The following SGCD variants were observed in gnomAD, a reference collection of about 807,000 sequenced individuals.
The protein encoded by SGCD is delta-sarcoglycan.
In SGCD, 18 loss-of-function variants were observed where a neutral mutation model predicts 36.6. The ratio of observed to expected loss-of-function variants is 0.49; its 90% CI spans 0.34 to 0.73. SGCD has a LOEUF of 0.73. Among genes scored for constraint, SGCD ranks in the 30% least tolerant of loss-of-function variants. The pLI is 0.01. For missense variants in SGCD, 387 were observed against 346.7 expected (o/e 1.12, Z -0.92); for synonymous variants, 133 against 130.6 (o/e 1.02, Z -0.12).
At chr5:156,586,344 G>A (rs6864938) in intron 4 of SGCD, among the ~76,000 whole-genome samples, 10,774 of 152,134 alleles carry the variant, frequency 0.071, 407 homozygotes, top group South Asian at 0.11. Flanking sequence ...TCATATCAAG[G>A]GTGCATGCTA....
At chr5:156,230,262 T>G (rs1373064225) in intron 3 of SGCD, among the ~76,000 whole-genome samples, 4 of 152,198 alleles carry the variant, frequency 2.6e-5, no homozygotes, top group Non-Finnish European at 4.4e-5. Context: ...AACCTTGTTT[T>G]CCCTTATTAC....
chr5:156,383,526 GA>G (rs199527311), intron 3 of SGCD, among the ~76,000 whole-genome samples: 1 of 150,284 alleles, frequency 6.7e-6, no homozygotes, highest in Non-Finnish European at 1.5e-5. Context: ...AAGAAAGAAA[GA>G]AAAAAAAATA....
intron 3 of SGCD, among the ~76,000 whole-genome samples, chr5:156,385,743 C>A (rs573161171): frequency 1.6e-4 from 25 of 152,158 alleles, no homozygotes; most frequent in Non-Finnish European, 2.6e-4. Context: ...TGAGGGAACA[C>A]CACAAAGAAC....
At chr5:156,585,883 A>G (rs1252566514) in intron 4 of SGCD, among the ~76,000 whole-genome samples, 1 of 152,144 alleles carries the variant, frequency 6.6e-6, no homozygotes, top group Non-Finnish European at 1.5e-5. Context: ...TTTGTATTTT[A>G]TCATAGTTTT....
At chr5:155,788,875 A>G in the SGCD span, among the ~76,000 whole-genome samples, 1 of 152,182 alleles carries the variant, frequency 6.6e-6, no homozygotes, top group Non-Finnish European at 1.5e-5. Context: ...TAATGGGCAG[A>G]GAATGATAGT....
chr5:156,347,070 T>C (rs1561635724), intron 3 of SGCD, among the ~76,000 whole-genome samples: 1 of 152,176 alleles, frequency 6.6e-6, no homozygotes, highest in Non-Finnish European at 1.5e-5. Flanking sequence ...GTGCTGGGAT[T>C]ACAGGCGTGA....
At chr5:156,179,620 C>CTTTT (rs570830321) in intron 3 of SGCD, among the ~76,000 whole-genome samples, 23 of 135,428 alleles carry the variant, frequency 1.7e-4, no homozygotes, top group Non-Finnish European at 2.2e-4. Context: ...AATTTTCCAA[C>CTTTT]TTTTTTTTTT....
rs116670262 is a variant in SGCD, at chr5:156,610,452, A to G, written c.502+15401A>G. Among the ~76,000 whole-genome samples, 1,359 of 152,228 alleles carry G rather than the reference A, an allele frequency of 8.9e-3. 14 individuals are homozygous for G. The highest frequency in any genetic ancestry group is 0.031 in the African/African-American group (1,288 of 41,530). On this transcript the variant is annotated intron_variant, in intron 6 of 8. Coordinates refer to ENST00000337851, the MANE Select transcript of SGCD (RefSeq NM_000337.6). ...GCTGTGTGAGGTGTTTGTCTGCCCT[A>G]TTGGAGGGTGCCTCCCAGTTAGGCT...
intron 7 of SGCD, among the ~76,000 whole-genome samples, chr5:156,696,786 A>C (rs1173840893): frequency 6.6e-6 from 1 of 152,152 alleles, no homozygotes; most frequent in Non-Finnish European, 1.5e-5. Flanking sequence ...CTGGGATTAC[A>C]GGTGTGAGCC....
chr5:156,072,893 A>G (rs917468586), intron 1 of SGCD, among the ~76,000 whole-genome samples: 2 of 151,886 alleles, frequency 1.3e-5, no homozygotes, highest in South Asian at 2.1e-4. Context: ...ATCTTCCATC[A>G]CTGACACCCT....
chr5:155,785,398 C>T, the SGCD span, among the ~76,000 whole-genome samples: 8 of 152,076 alleles, frequency 5.3e-5, no homozygotes, highest in Admixed American at 5.2e-4. Flanking sequence ...TATCCATCAC[C>T]TCAAACATTT....
upstream of SGCD, among the ~76,000 whole-genome samples, chr5:155,865,672 T>G (rs545012614): frequency 6.6e-6 from 1 of 152,320 alleles, no homozygotes; most frequent in South Asian, 2.1e-4. Flanking sequence ...GCTGGCTCAC[T>G]GAATTATGTA....
At chr5:155,956,378 A>G (rs1349976080) in intron 1 of SGCD, among the ~76,000 whole-genome samples, 5 of 152,106 alleles carry the variant, frequency 3.3e-5, no homozygotes, top group Non-Finnish European at 7.4e-5. Flanking sequence ...AATAGATGTA[A>G]TCAACTCTGA....
intron 3 of SGCD, among the ~76,000 whole-genome samples, chr5:156,398,587 G>A (rs747624589): frequency 3.3e-5 from 5 of 152,192 alleles, no homozygotes; most frequent in Non-Finnish European, 7.3e-5. Context: ...TTGCTGGCAG[G>A]TGGTTACACA....
chr5:156,739,999 C>T (rs1756586273), intron 7 of SGCD, among the ~76,000 whole-genome samples: 2 of 152,302 alleles, frequency 1.3e-5, no homozygotes, highest in African/African-American at 2.4e-5. Flanking sequence ...TTAGAAAACC[C>T]TAGGCCTCTG....
At chr5:155,780,541 T>A in the SGCD span, among the ~76,000 whole-genome samples, 2 of 152,174 alleles carry the variant, frequency 1.3e-5, no homozygotes, top group Non-Finnish European at 2.9e-5. Flanking sequence ...CCTTCACGAC[T>A]GCTGAGAATT....
At chr5:156,470,183 A>G (rs1392759590) in intron 3 of SGCD, among the ~76,000 whole-genome samples, 1 of 152,190 alleles carries the variant, frequency 6.6e-6, no homozygotes, top group Admixed American at 6.5e-5. Flanking sequence ...ACATGAGAGG[A>G]AAGATACATT....
intron 3 of SGCD, among the ~76,000 whole-genome samples, chr5:156,167,036 C>G (rs1345631943): frequency 6.6e-6 from 1 of 152,112 alleles, no homozygotes; most frequent in Non-Finnish European, 1.5e-5. Flanking sequence ...AATTCTGAGG[C>G]CTGACCCATT....
chr5:156,680,898 GT>G (rs1463111843), intron 7 of SGCD, among the ~76,000 whole-genome samples: 4 of 152,136 alleles, frequency 2.6e-5, no homozygotes, highest in African/African-American at 9.7e-5. Context: ...GGAGTGACTC[GT>G]TTCACTCAGC....
Sources: allele counts gnomAD v4.1 joint callset (sites outside exome capture counted in the v4.1 genomes callset), GRCh38; gene constraint gnomAD v4.1.1; transcripts MANE v1.5; gene names NCBI Gene and HGNC (gene_info 2026-07-23, HGNC 2026-07-21).